The following HIVEP2 variants were observed in gnomAD, a reference collection of about 807,000 sequenced individuals.
HIVEP2 encodes transcription factor HIVEP2.
In HIVEP2, 14 loss-of-function variants were observed where a neutral mutation model predicts 180.7. That is an observed-to-expected ratio of 0.08 (90% CI 0.05 to 0.12). The LOEUF is 0.12. Among genes scored for constraint, HIVEP2 ranks in the 10% least tolerant of loss-of-function variants. HIVEP2 has a pLI of 1.00. For missense variants in HIVEP2, 2,579 were observed against 3,008.5 expected (o/e 0.86, Z 3.34); for synonymous variants, 1,184 against 1,136.4 (o/e 1.04, Z -0.84).
At chr6:142,793,652 CTT>C (rs1471466492) in intron 2 of HIVEP2, among the ~76,000 whole-genome samples, 1 of 62,912 alleles carries the variant, frequency 1.6e-5, no homozygotes, top group African/African-American at 5.6e-5. Context: ...TTCTTTCTTT[CTT>C]TCTTTTTTCT....
chr6:142,763,232 A>G (rs917485015), intron 7 of HIVEP2, among the ~76,000 whole-genome samples: 1 of 152,222 alleles, frequency 6.6e-6, no homozygotes, highest in African/African-American at 2.4e-5. Flanking sequence ...CTGCAGAAGT[A>G]ATGTATAAGG....
At chr6:142,759,550 G>T (rs906552420) in intron 9 of HIVEP2, among the ~76,000 whole-genome samples, 3 of 152,196 alleles carry the variant, frequency 2.0e-5, no homozygotes, top group Admixed American at 2.0e-4. Context: ...TTCCCACTGG[G>T]AATGCACTGC....
chr6:142,804,043 G>A (rs1776483878), intron 2 of HIVEP2, among the ~76,000 whole-genome samples: 1 of 152,130 alleles, frequency 6.6e-6, no homozygotes, highest in Non-Finnish European at 1.5e-5. Flanking sequence ...TTCCAAGCAA[G>A]TCTACAATGA....
intron 2 of HIVEP2, among the ~76,000 whole-genome samples, chr6:142,825,287 TACAC>T (rs11468410): frequency 0.33 from 49,224 of 149,658 alleles, 8,024 homozygotes; most frequent in African/African-American, 0.37. Flanking sequence ...AAAGTCCAAT[TACAC>T]ACACACACAC....
chr6:142,851,206 G>C (rs975432637), intron 1 of HIVEP2, among the ~76,000 whole-genome samples: 4 of 152,248 alleles, frequency 2.6e-5, no homozygotes, highest in Non-Finnish European at 5.9e-5. Flanking sequence ...ATAAGGCCTA[G>C]TAATAGGATT....
chr6:142,862,409 T>C (rs535096474), intron 1 of HIVEP2, among the ~76,000 whole-genome samples: 34 of 147,422 alleles, frequency 2.3e-4, no homozygotes, highest in African/African-American at 6.6e-4. Context: ...TTATAATACA[T>C]ATAATCGATT....
intron 1 of HIVEP2, among the ~76,000 whole-genome samples, chr6:142,930,127 C>T (rs955100652): frequency 4.6e-5 from 7 of 152,166 alleles, no homozygotes; most frequent in African/African-American, 1.7e-4. Flanking sequence ...ATTTCCATGA[C>T]ACACTAAACG....
chr6:142,920,780 C>T (rs1045558201), intron 1 of HIVEP2, among the ~76,000 whole-genome samples: 1 of 151,876 alleles, frequency 6.6e-6, no homozygotes, highest in Non-Finnish European at 1.5e-5. Context: ...CCAGGAGTTC[C>T]AGATCAGCCT....
intron 2 of HIVEP2, among the ~76,000 whole-genome samples, chr6:142,802,653 A>C (rs970822143): frequency 2.2e-4 from 34 of 152,180 alleles, no homozygotes; most frequent in African/African-American, 8.2e-4. Context: ...GAAAAATGAC[A>C]TTGCTAAAAG....
At chr6:142,870,380 T>C (rs899158897) in intron 1 of HIVEP2, among the ~76,000 whole-genome samples, 18 of 152,136 alleles carry the variant, frequency 1.2e-4, no homozygotes, top group African/African-American at 4.1e-4. Flanking sequence ...ATGAAATCAA[T>C]GTACATGAAA....
chr6:142,840,481 T>G (rs987737462), intron 1 of HIVEP2, among the ~76,000 whole-genome samples: 1 of 152,158 alleles, frequency 6.6e-6, no homozygotes, highest in Admixed American at 6.5e-5. Context: ...TCTTTTCATT[T>G]TTAAAAATTT....
At chr6:142,803,442 AT>A (rs1235682237) in intron 2 of HIVEP2, among the ~76,000 whole-genome samples, 1 of 152,124 alleles carries the variant, frequency 6.6e-6, no homozygotes, top group Admixed American at 6.6e-5. Flanking sequence ...TTAAAAAAAG[AT>A]TTCACCTACA....
Position 142,760,013 on chromosome 6 carries a change from T to C in HIVEP2, c.6275A>G (p.Lys2092Arg). ...LSPMRHLSPR[K>R]EAALRREMSQ... The stretch of plus-strand genomic sequence containing the variant: ...CATCTCTCTTCTCAATGCAGCTTCC[T>C]TTCTTGGTGAAAGATGTCTCATGGG... The change falls in exon 9 of 10, where the codon AAG becomes AGG. Residue 2092 changes from lysine (K) to arginine (R), a missense_variant. This residue lies in a region of HIVEP2 where 660 missense variants were observed against 731.7 expected (regional missense o/e 0.90). Coordinates refer to ENST00000367603, the MANE Select transcript of HIVEP2 (RefSeq NM_006734.4). 6.2e-7 allele frequency: 1 copy of C among 1,614,080 alleles called. No individual in the cohort carries two copies.
chr6:142,855,891 T>TAAGA (rs74745678), intron 1 of HIVEP2, among the ~76,000 whole-genome samples: 26,961 of 152,234 alleles, frequency 0.18, 2,582 homozygotes, highest in South Asian at 0.22. Flanking sequence ...AGTGAAAGTA[T>TAAGA]TCTTTCACTT....
chr6:142,875,858 G>C (rs576555132), intron 1 of HIVEP2, among the ~76,000 whole-genome samples: 14 of 152,210 alleles, frequency 9.2e-5, no homozygotes, highest in Admixed American at 3.3e-4. Flanking sequence ...CATGGATTTA[G>C]GAGGAATACA....
Position 142,760,069 on chromosome 6 carries a change from C to G in HIVEP2, c.6219G>C (p.Arg2073Ser), listed in dbSNP as rs1775185371. The G allele has an allele frequency of 6.2e-7, 1 of 1,614,090 alleles. No individual in the cohort carries two copies. The highest frequency in any genetic ancestry group is 8.5e-7 in the Non-Finnish European group (1 of 1,180,012). The part of the protein sequence containing the change: ...YLIPKGDLSP[R>S]RHLSPRRDLS... ...GATCTCTCCTAGGTGATAAATGTCT[C>G]CTGGGAGATAAATCTCCTTTGGGTA... The change falls in exon 9 of 10, where the codon AGG becomes AGC. Residue 2073 changes from arginine (R) to serine (S), a missense_variant. Around this residue, in one of 11 missense-constraint regions of HIVEP2, gnomAD observed 660 missense variants for 731.7 expected, o/e 0.90. Transcript: ENST00000367603.
At position 142,835,929 on chromosome 6, in the gene HIVEP2, T is replaced by C. The variant is rs556251651; in HGVS notation, c.-528+1006A>G. 2.0e-4 allele frequency among the ~76,000 whole-genome samples: 30 copies of C among 152,344 alleles called. No individual in the cohort carries two copies. The South Asian group carries it at 6.0e-3, about 30-fold the overall frequency. On this transcript the variant is annotated intron_variant, in intron 2 of 9. Coordinates refer to ENST00000367603, the MANE Select transcript of HIVEP2 (RefSeq NM_006734.4). Reference sequence around the variant, plus strand: ...CTGACATCATCTTGTCTTAAGATGTTCACAGGTAAAGCAGACACTATTAGT... The same window carrying C: ...CTGACATCATCTTGTCTTAAGATGTCCACAGGTAAAGCAGACACTATTAGT...
At chr6:142,837,810 GGGT>G (rs1242980761) in intron 1 of HIVEP2, among the ~76,000 whole-genome samples, 4 of 152,152 alleles carry the variant, frequency 2.6e-5, no homozygotes, top group Non-Finnish European at 5.9e-5. Context: ...GAATGCTAGA[GGGT>G]TGAGCAGAAG....
chr6:142,928,005 G>A, intron 1 of HIVEP2, among the ~76,000 whole-genome samples: 1 of 152,202 alleles, frequency 6.6e-6, no homozygotes, highest in East Asian at 1.9e-4. Context: ...GTTTTACTGT[G>A]TCAACATCTC....
Sources: allele counts gnomAD v4.1 joint callset (sites outside exome capture counted in the v4.1 genomes callset), GRCh38; gene constraint gnomAD v4.1.1; regional missense constraint gnomAD v4.1.1; transcripts MANE v1.5; gene names NCBI Gene and HGNC (gene_info 2026-07-23, HGNC 2026-07-21).